Variants in MCU observed in about 807,000 individuals in gnomAD.
MCU encodes the protein calcium uniporter protein, mitochondrial.
MCU carries 12 observed loss-of-function variants against 45.2 expected under a neutral mutation model. The ratio of observed to expected loss-of-function variants is 0.27; its 90% CI spans 0.17 to 0.43. MCU has a LOEUF of 0.43. MCU is among the 20% of genes least tolerant of loss of function. The probability of loss-of-function intolerance (pLI) is 1.00; values close to 1 mark genes in which losing one functional copy is unlikely to be tolerated. For synonymous variants in MCU, 160 were observed against 165.1 expected, an observed-to-expected ratio of 0.97 and a Z score of 0.24; for missense variants, 324 against 436.7, an observed-to-expected ratio of 0.74 and a Z score of 2.30.
intron 1 of MCU, among the ~76,000 whole-genome samples, chr10:72,792,351 T>C (rs1374840217): frequency 6.6e-6 from 1 of 152,036 alleles, no homozygotes; most frequent in East Asian, 1.9e-4. Flanking sequence ...ATAGGTAGAG[T>C]CAAAACTTTT....
At chr10:72,780,027 C>G (rs1843965035) in intron 1 of MCU, among the ~76,000 whole-genome samples, 1 of 152,052 alleles carries the variant, frequency 6.6e-6, no homozygotes, top group African/African-American at 2.4e-5. Flanking sequence ...GTGAAATAAC[C>G]CTAATATCTG....
In MCU at chr10:72,750,590, C is replaced by T. The variant is rs547160482; in HGVS notation, c.150+58289C>T. 5.9e-5 allele frequency among the ~76,000 whole-genome samples: 9 copies of T among 152,182 alleles called. No homozygotes were observed. In the South Asian group the frequency reaches 6.2e-4, roughly 11 times the overall value. On this transcript the variant is annotated intron_variant, in intron 1 of 7. Transcript: ENST00000373053. Reference sequence around the variant, plus strand: ...ACATTTTCAAGAAGTAGGTATGTGACGACACAGATATGCATCATTTGGAGG... The same window carrying T: ...ACATTTTCAAGAAGTAGGTATGTGATGACACAGATATGCATCATTTGGAGG...
intron 1 of MCU, among the ~76,000 whole-genome samples, chr10:72,827,173 C>G (rs529821026): frequency 5.9e-4 from 90 of 152,292 alleles, no homozygotes; most frequent in African/African-American, 2.1e-3. Flanking sequence ...TCCCTTACAT[C>G]TAAATCTGTA....
chr10:72,750,771 A>G (rs926635456), intron 1 of MCU, among the ~76,000 whole-genome samples: 1 of 152,188 alleles, frequency 6.6e-6, no homozygotes, highest in African/African-American at 2.4e-5. Flanking sequence ...TGTGCTGCCC[A>G]TTTGAATTCA....
intron 1 of MCU, among the ~76,000 whole-genome samples, chr10:72,777,067 A>G (rs1843906201): frequency 1.3e-5 from 2 of 152,234 alleles, no homozygotes; most frequent in African/African-American, 4.8e-5. Flanking sequence ...GCAAAAAAGC[A>G]GAAAGATATT....
At chr10:72,764,430 G>A (rs967515700) in intron 1 of MCU, among the ~76,000 whole-genome samples, 2 of 152,132 alleles carry the variant, frequency 1.3e-5, no homozygotes, top group South Asian at 4.1e-4. Context: ...GCATTCTAAT[G>A]TATTGCATAC....
intron 1 of MCU, among the ~76,000 whole-genome samples, chr10:72,746,148 A>G (rs1275787888): frequency 3.3e-5 from 5 of 152,196 alleles, no homozygotes; most frequent in Non-Finnish European, 7.3e-5. Flanking sequence ...TTGTGTGCAC[A>G]GTATAGCGTG....
At chr10:72,727,108 G>T (rs1843111914) in intron 1 of MCU, among the ~76,000 whole-genome samples, 1 of 152,146 alleles carries the variant, frequency 6.6e-6, no homozygotes, top group African/African-American at 2.4e-5. Context: ...CCACTTGGTT[G>T]CAAGAGGATT....
At chr10:72,780,938 A>G (rs1348230644) in intron 1 of MCU, among the ~76,000 whole-genome samples, 2 of 152,242 alleles carry the variant, frequency 1.3e-5, no homozygotes, top group Admixed American at 1.3e-4. Flanking sequence ...ATTTGGTGAC[A>G]TTGTGATACC....
chr10:72,726,878 TAA>T (rs1307937934), intron 1 of MCU, among the ~76,000 whole-genome samples: 3 of 152,232 alleles, frequency 2.0e-5, no homozygotes, highest in Non-Finnish European at 4.4e-5. Flanking sequence ...AAAAAGACTT[TAA>T]GAGTTCTATT....
At chr10:72,878,000 G>A (rs1370760500) in intron 6 of MCU, among the ~76,000 whole-genome samples, 1 of 151,736 alleles carries the variant, frequency 6.6e-6, no homozygotes, top group African/African-American at 2.4e-5. Flanking sequence ...TGGAATACTG[G>A]TAATCCCCGA....
At chr10:72,834,316 G>A in intron 1 of MCU, 43 bp from the exon 2 acceptor site, 1 of 1,441,224 alleles carries the variant, frequency 6.9e-7, no homozygotes, top group Non-Finnish European at 9.8e-7. Context: ...GTATATGTTT[G>A]TTGTTCCATT....
chr10:72,694,816 A>G (rs1332593432), intron 1 of MCU, among the ~76,000 whole-genome samples: 3 of 152,228 alleles, frequency 2.0e-5, no homozygotes, highest in Non-Finnish European at 4.4e-5. Context: ...CATCTTTTCC[A>G]AGTTTCGAGA....
chr10:72,793,610 A>C (rs1844200407), intron 1 of MCU, among the ~76,000 whole-genome samples: 2 of 151,964 alleles, frequency 1.3e-5, no homozygotes, highest in African/African-American at 4.8e-5. Flanking sequence ...GGAATATCTC[A>C]TATGGTCACA....
chr10:72,811,886 G>A (rs1400707092), intron 1 of MCU, among the ~76,000 whole-genome samples: 1 of 152,004 alleles, frequency 6.6e-6, no homozygotes, highest in East Asian at 1.9e-4. Flanking sequence ...TCTGAATGCT[G>A]TCTTTTCCTT....
intron 6 of MCU, among the ~76,000 whole-genome samples, chr10:72,877,569 C>T (rs749003763): frequency 3.9e-5 from 6 of 152,062 alleles, no homozygotes; most frequent in Admixed American, 2.6e-4. Flanking sequence ...GGCAATCAAT[C>T]AGTCCTTCCA....
chr10:72,755,118 T>G (rs1239936076), intron 1 of MCU, among the ~76,000 whole-genome samples: 4 of 151,810 alleles, frequency 2.6e-5, no homozygotes, highest in Non-Finnish European at 1.5e-5. Flanking sequence ...AAATTCTAGC[T>G]ATTTCTTACT....
At chr10:72,745,588 A>G (rs894815348) in intron 1 of MCU, among the ~76,000 whole-genome samples, 1 of 152,182 alleles carries the variant, frequency 6.6e-6, no homozygotes, top group Non-Finnish European at 1.5e-5. Context: ...TCACAGGGAT[A>G]TGGCAAACAC....
chr10:72,757,169 C>T (rs1843589596), intron 1 of MCU, among the ~76,000 whole-genome samples: 2 of 152,008 alleles, frequency 1.3e-5, no homozygotes, highest in African/African-American at 4.8e-5. Flanking sequence ...CAGGCATTTA[C>T]AACAGAAGGA....
Sources: gnomAD v4.1 joint callset for allele counts (sites outside exome capture counted in the v4.1 genomes callset) on GRCh38, gnomAD v4.1.1 for gene constraint, MANE v1.5 for transcripts, NCBI Gene and HGNC (gene_info 2026-07-23, HGNC 2026-07-21) for gene names.